MYO16: variants seen among roughly 807,000 people sequenced by gnomAD.
MYO16 encodes unconventional myosin-XVI.
In MYO16, 94 loss-of-function variants were observed where a neutral mutation model predicts 205.3. That is an observed-to-expected ratio of 0.46 (90% CI 0.39 to 0.54). The LOEUF (loss-of-function observed/expected upper bound fraction) is 0.54, where lower values mean the gene tolerates loss of function less well. Among genes scored for constraint, MYO16 ranks in the 20% least tolerant of loss-of-function variants. The pLI, the probability that MYO16 is intolerant of heterozygous loss-of-function variation, is 0.00. For missense variants in MYO16, 2,315 were observed against 2,387.5 expected, an observed-to-expected ratio of 0.97 and a Z score of 0.63; for synonymous variants, 988 against 954.0, an observed-to-expected ratio of 1.04 and a Z score of -0.66.
At chr13:108,695,578 T>A (rs1379428832) in intron 2 of MYO16, among the ~76,000 whole-genome samples, 1 of 152,108 alleles carries the variant, frequency 6.6e-6, no homozygotes, top group East Asian at 1.9e-4. Context: ...TTTTGGGGAT[T>A]TCGATAGGGT....
the MYO16 span, among the ~76,000 whole-genome samples, chr13:108,579,618 T>C: frequency 6.6e-6 from 1 of 152,014 alleles, no homozygotes. Flanking sequence ...TTTTTGTATT[T>C]TCAGTAGAAA....
intron 29 of MYO16, among the ~76,000 whole-genome samples, chr13:109,121,997 C>T (rs2139763680): frequency 6.6e-6 from 1 of 152,304 alleles, no homozygotes; most frequent in African/African-American, 2.4e-5. Flanking sequence ...TGTTTTGGAT[C>T]ATCCCCTTGC....
intron 29 of MYO16, among the ~76,000 whole-genome samples, chr13:109,122,751 A>G (rs1197878645): frequency 6.6e-6 from 1 of 152,030 alleles, no homozygotes; most frequent in South Asian, 2.1e-4. Context: ...CTCATATTGC[A>G]TAAATGAAAT....
intron 12 of MYO16, among the ~76,000 whole-genome samples, chr13:108,866,697 A>G (rs1174520257): frequency 6.6e-6 from 1 of 152,228 alleles, no homozygotes; most frequent in African/African-American, 2.4e-5. Context: ...CTAAAAATTA[A>G]AAGAGAAATT....
chr13:108,793,455 T>C, intron 5 of MYO16, 61 bp from the exon 6 acceptor site: 6 of 1,546,110 alleles, frequency 3.9e-6, no homozygotes, highest in Non-Finnish European at 5.3e-6. Flanking sequence ...AGCTAGGCTT[T>C]GACCCCCAGG....
chr13:109,024,027 T>A (rs1191131676), intron 23 of MYO16, among the ~76,000 whole-genome samples: 7 of 105,278 alleles, frequency 6.6e-5, no homozygotes, highest in Non-Finnish European at 1.4e-4. Context: ...ACAATGTGTA[T>A]GTATATATTT....
rs1057174510 is a variant in MYO16, at chr13:109,055,779, A to T, written c.3335+184A>T. The T allele has an allele frequency of 5.2e-6, 3 of 577,932 alleles. No homozygotes were observed. In the African/African-American group the frequency reaches 5.6e-5, roughly 11 times the overall value. 35.8% of individuals were successfully genotyped at this position (577,932 alleles called of 1,614,324 possible). A position where few individuals can be genotyped will look rare whatever the true frequency, so the allele number is the denominator to read the frequency against. ...AATGAAATACACTGACAAAGCTCAC[A>T]TAAAAAATAATTAAACTGTACTGAG... is the stretch of plus-strand genomic sequence containing the variant. On this transcript the variant is annotated intron_variant, in intron 27 of 34. Transcript: ENST00000457511. This position sits in a 1 kb window ranked among gnomAD's most constrained non-coding sequence, Gnocchi z 5.0.
intron 1 of MYO16, among the ~76,000 whole-genome samples, chr13:108,602,682 T>C (rs1195274265): frequency 6.6e-6 from 1 of 152,150 alleles, no homozygotes; most frequent in East Asian, 1.9e-4. Flanking sequence ...TGGAAGTGGG[T>C]GGTTTGGTCC....
At chr13:108,951,586 G>T (rs1883151632) in intron 16 of MYO16, among the ~76,000 whole-genome samples, 1 of 152,108 alleles carries the variant, frequency 6.6e-6, no homozygotes, top group Admixed American at 6.5e-5. Flanking sequence ...GAACATAGAA[G>T]TTTATTTTTC....
At chr13:109,174,973 A>AT (rs1295614571) in intron 33 of MYO16, among the ~76,000 whole-genome samples, 3 of 151,248 alleles carry the variant, frequency 2.0e-5, no homozygotes, top group Non-Finnish European at 4.4e-5. Context: ...AATGGTCTTG[A>AT]TCTGCTGACC....
chr13:108,699,088 CTCTCTCTCTA>C (rs761765698), intron 2 of MYO16, among the ~76,000 whole-genome samples: 52 of 140,936 alleles, frequency 3.7e-4, no homozygotes, highest in African/African-American at 7.8e-5. Flanking sequence ...CTCTCTCTCT[CTCTCTCTCTA>C]TATATATATA....
At chr13:108,712,910 G>T (rs140240843) in intron 3 of MYO16, among the ~76,000 whole-genome samples, 179 bp downstream of exon 3, 1 of 152,156 alleles carries the variant, frequency 6.6e-6, no homozygotes, top group Non-Finnish European at 1.5e-5. Flanking sequence ...ATTGAAGTTT[G>T]TAAATAATCT....
chr13:109,126,853 C>G (rs899072114), intron 30 of MYO16, among the ~76,000 whole-genome samples: 3 of 152,178 alleles, frequency 2.0e-5, no homozygotes, highest in Admixed American at 6.5e-5. Context: ...TGGTGATGAA[C>G]TCCCAGCATT....
At chr13:109,040,769 G>A (rs1018576357) in intron 23 of MYO16, among the ~76,000 whole-genome samples, 7 of 152,132 alleles carry the variant, frequency 4.6e-5, no homozygotes, top group African/African-American at 1.7e-4. Context: ...ATATTTAAGG[G>A]TGAAATCTGG....
Position 108,682,284 on chromosome 13 carries a change from G to A in MYO16, c.292+16135G>A, listed in dbSNP as rs74870540. On this transcript the variant is annotated intron_variant, in intron 2 of 34. Transcript: ENST00000457511. The stretch of plus-strand genomic sequence containing the variant: ...AATATGATCTAATAGGGACCTTGCC[G>A]TTCCTTGAATACAGTGGTTCATTTT... 9.1e-3 allele frequency among the ~76,000 whole-genome samples: 1,388 copies of A among 152,266 alleles called. 24 individuals are homozygous for A. The highest frequency in any genetic ancestry group is 0.031 in the African/African-American group (1,308 of 41,570).
chr13:108,644,026 C>T (rs2139384479), intron 1 of MYO16, among the ~76,000 whole-genome samples: 1 of 152,308 alleles, frequency 6.6e-6, no homozygotes, highest in Middle Eastern at 3.4e-3. Flanking sequence ...CAGAATATTT[C>T]TGGGCTTTCT....
At chr13:108,690,822 A>G (rs1882867025) in intron 2 of MYO16, among the ~76,000 whole-genome samples, 1 of 152,188 alleles carries the variant, frequency 6.6e-6, no homozygotes, top group East Asian at 1.9e-4. Context: ...TACTATTTTA[A>G]AAATAGTATC....
intron 34 of MYO16, among the ~76,000 whole-genome samples, chr13:109,191,853 T>G (rs1298889826): frequency 6.6e-6 from 1 of 152,230 alleles, no homozygotes; most frequent in Non-Finnish European, 1.5e-5. Context: ...TTTGGAAACT[T>G]TAATCTGTTC....
chr13:108,558,165 G>T, the MYO16 span, among the ~76,000 whole-genome samples: 5 of 152,120 alleles, frequency 3.3e-5, no homozygotes, highest in East Asian at 9.6e-4. Flanking sequence ...CAAAGATAAA[G>T]GTGCCAGAGC....
Sources: gnomAD v4.1 joint callset for allele counts (sites outside exome capture counted in the v4.1 genomes callset) on GRCh38, gnomAD v4.1.1 for gene constraint, Gnocchi (gnomAD v3.1) non-coding constraint, MANE v1.5 for transcripts, NCBI Gene and HGNC (gene_info 2026-07-23, HGNC 2026-07-21) for gene names.